SPON1: variants seen among roughly 807,000 people sequenced by gnomAD.
SPON1 encodes spondin-1.
A neutral mutation model predicts 111.7 loss-of-function variants in SPON1; 52 were observed. That is an observed-to-expected ratio of 0.47 (90% CI 0.37 to 0.59). The LOEUF is 0.59. Among genes scored for constraint, SPON1 ranks in the 20% least tolerant of loss-of-function variants. SPON1 has a pLI of 0.00. For missense variants in SPON1, 957 were observed against 1,068.5 expected (o/e 0.90, Z 1.46); for synonymous variants, 410 against 395.8 (o/e 1.04, Z -0.43).
chr11:14,064,239 A>C (rs1339081049), intron 3 of SPON1, among the ~76,000 whole-genome samples: 1 of 152,242 alleles, frequency 6.6e-6, no homozygotes, highest in East Asian at 1.9e-4. Context: ...AATAAATCAA[A>C]GGATAATACA....
intron 5 of SPON1, among the ~76,000 whole-genome samples, chr11:14,084,130 C>T (rs562213022): frequency 6.6e-6 from 1 of 151,738 alleles, no homozygotes; most frequent in African/African-American, 2.4e-5. Flanking sequence ...TTTTCAAGGA[C>T]ATTCTTTTTT....
intron 5 of SPON1, among the ~76,000 whole-genome samples, chr11:14,124,013 C>G (rs1353052862): frequency 6.6e-6 from 1 of 152,236 alleles, no homozygotes; most frequent in Non-Finnish European, 1.5e-5. Context: ...AAGCAGAAGT[C>G]AAGTGAGCAT....
At chr11:13,977,029 G>C (rs150532924) in intron 1 of SPON1, among the ~76,000 whole-genome samples, 1 of 152,218 alleles carries the variant, frequency 6.6e-6, no homozygotes, top group Non-Finnish European at 1.5e-5. Flanking sequence ...GCATGTGGCA[G>C]TATGTGTTCA....
intron 6 of SPON1, among the ~76,000 whole-genome samples, chr11:14,173,127 C>T (rs1554932681): frequency 1.3e-5 from 2 of 152,000 alleles, no homozygotes; most frequent in African/African-American, 2.4e-5. Flanking sequence ...CTTTCAGGTA[C>T]ACCAATCAGA....
chr11:13,985,896 G>T (rs1848178769), intron 2 of SPON1, among the ~76,000 whole-genome samples: 1 of 152,110 alleles, frequency 6.6e-6, no homozygotes, highest in Non-Finnish European at 1.5e-5. Flanking sequence ...GGTTCCAATT[G>T]TCTCAGAGAT....
At chr11:14,243,465 G>A (rs1554939941) in intron 7 of SPON1, 69 bp downstream of exon 7, 2 of 1,263,758 alleles carry the variant, frequency 1.6e-6, no homozygotes, top group African/African-American at 1.5e-5. Flanking sequence ...CTACCTAATG[G>A]CCACCACATA....
chr11:14,100,415 C>T (rs1427144023), intron 5 of SPON1, among the ~76,000 whole-genome samples: 2 of 151,656 alleles, frequency 1.3e-5, no homozygotes, highest in Admixed American at 6.6e-5. Context: ...CTTTTCTTTC[C>T]ATTGCCTAAA....
At chr11:13,988,145 G>A (rs1171080515) in intron 2 of SPON1, among the ~76,000 whole-genome samples, 1 of 152,172 alleles carries the variant, frequency 6.6e-6, no homozygotes, top group Non-Finnish European at 1.5e-5. Context: ...ACTTTGGGCA[G>A]TATGGCCATT....
In SPON1 at chr11:13,962,818, C is replaced by T; in HGVS notation, c.-87C>T. 1.6e-6 allele frequency: 2 copies of T among 1,259,834 alleles called. No homozygotes were observed. The highest frequency in any genetic ancestry group is 2.1e-6 in the Non-Finnish European group (2 of 962,464). The allele number at this position is 1,259,834 out of a possible 1,614,324, so 78.0% of individuals were successfully genotyped here. ...GCTCCCTCTCTCCGCCGCGCCTCCG[C>T]CAGGTCGCGCCTTCGTCGGGACCAC... is the stretch of plus-strand genomic sequence containing the variant. On this transcript the variant is annotated 5_prime_UTR_variant, in exon 1 of 16. Coordinates refer to ENST00000576479, the MANE Select transcript of SPON1 (RefSeq NM_006108.4).
intron 1 of SPON1, among the ~76,000 whole-genome samples, chr11:13,964,239 C>G (rs1303205398): frequency 1.3e-5 from 2 of 152,250 alleles, no homozygotes; most frequent in Admixed American, 6.5e-5. Context: ...CCTTAGCTCC[C>G]GCCAGGGAGC....
chr11:14,198,126 G>A (rs1005035352), intron 6 of SPON1, among the ~76,000 whole-genome samples: 2 of 152,320 alleles, frequency 1.3e-5, no homozygotes, highest in Middle Eastern at 3.4e-3. Flanking sequence ...CTGGAGTGGA[G>A]GATGGGCTCT....
intron 1 of SPON1, among the ~76,000 whole-genome samples, chr11:13,978,342 T>C (rs1002672302): frequency 2.6e-5 from 4 of 152,300 alleles, no homozygotes; most frequent in Admixed American, 6.5e-5. Flanking sequence ...TTGAGGATAA[T>C]TGACATCTTT....
At chr11:14,190,987 AGCACTT>A (rs1564927644) in intron 6 of SPON1, among the ~76,000 whole-genome samples, 17 of 152,212 alleles carry the variant, frequency 1.1e-4, no homozygotes, top group African/African-American at 4.1e-4. Context: ...AAAAGAAAAA[AGCACTT>A]ACAATCCCAT....
intron 2 of SPON1, among the ~76,000 whole-genome samples, chr11:14,022,558 A>G (rs1554914877): frequency 6.6e-6 from 1 of 152,196 alleles, no homozygotes; most frequent in Non-Finnish European, 1.5e-5. Flanking sequence ...TCCTCAGGAA[A>G]TTGCTGAAAT....
intron 3 of SPON1, among the ~76,000 whole-genome samples, chr11:14,059,786 A>G (rs1262962852): frequency 6.6e-6 from 1 of 152,166 alleles, no homozygotes; most frequent in African/African-American, 2.4e-5. Flanking sequence ...TTTTACAGAA[A>G]AGCCTGGTTA....
At chr11:14,159,278 AG>A (rs1481104486) in intron 6 of SPON1, among the ~76,000 whole-genome samples, 3 of 152,166 alleles carry the variant, frequency 2.0e-5, no homozygotes, top group Non-Finnish European at 4.4e-5. Context: ...ATTACGGGAA[AG>A]GTGCTCAACA....
At chr11:14,183,941 C>T (rs9804519) in intron 6 of SPON1, among the ~76,000 whole-genome samples, 61,009 of 151,896 alleles carry the variant, frequency 0.4, 12,375 homozygotes, top group East Asian at 0.55. Flanking sequence ...TAGTAATAAA[C>T]GTAAATGGCC....
chr11:14,234,266 G>A (rs1427411489), intron 6 of SPON1, among the ~76,000 whole-genome samples: 3 of 152,220 alleles, frequency 2.0e-5, no homozygotes, highest in African/African-American at 4.8e-5. Context: ...TCACCTACGT[G>A]ATGTTCGAAT....
chr11:14,227,815 C>T (rs1848757054), intron 6 of SPON1, among the ~76,000 whole-genome samples: 1 of 152,130 alleles, frequency 6.6e-6, no homozygotes, highest in Admixed American at 6.6e-5. Context: ...CAAAACCCAG[C>T]CTCTTAATAC....
Sources: gnomAD v4.1 joint callset for allele counts (sites outside exome capture counted in the v4.1 genomes callset) on GRCh38, gnomAD v4.1.1 for gene constraint, MANE v1.5 for transcripts, NCBI Gene and HGNC (gene_info 2026-07-23, HGNC 2026-07-21) for gene names.